Variants in EDAR observed in about 807,000 individuals in gnomAD.
The protein encoded by EDAR is ectodysplasin A receptor.
Under a neutral mutation model 51.3 loss-of-function variants are expected in EDAR, and 38 were observed. That is an observed-to-expected ratio of 0.74 (90% CI 0.57 to 0.97). EDAR has a LOEUF of 0.97. Among genes scored for constraint, EDAR ranks in the 50% least tolerant of loss-of-function variants. The pLI is 0.00. For synonymous variants in EDAR, 227 were observed against 242.1 expected, an observed-to-expected ratio of 0.94 and a Z score of 0.58; for missense variants, 528 against 595.0, an observed-to-expected ratio of 0.89 and a Z score of 1.17.
intron 11 of EDAR, among the ~76,000 whole-genome samples, chr2:108,898,007 C>A (rs1696632165): frequency 6.6e-6 from 1 of 152,092 alleles, no homozygotes; most frequent in Admixed American, 6.5e-5. Flanking sequence ...GTCCAAAAAT[C>A]TGGAAATAAT....
chr2:108,985,493 T>C (rs1215863569), intron 1 of EDAR, among the ~76,000 whole-genome samples: 2 of 152,230 alleles, frequency 1.3e-5, no homozygotes, highest in Admixed American at 6.5e-5. Context: ...CTGTTTTCCA[T>C]AGTCCTCTGT....
At chr2:108,979,651 A>C (rs897877374) in intron 1 of EDAR, among the ~76,000 whole-genome samples, 5 of 152,008 alleles carry the variant, frequency 3.3e-5, no homozygotes, top group African/African-American at 1.2e-4. Flanking sequence ...CTGCCTCCCT[A>C]CCCAGGGTCA....
chr2:108,907,327 C>T (rs1172100466), intron 10 of EDAR, among the ~76,000 whole-genome samples: 6 of 151,994 alleles, frequency 3.9e-5, no homozygotes, highest in South Asian at 4.2e-4. Flanking sequence ...TATTATTTTT[C>T]GTTTTTGTGT....
intron 1 of EDAR, among the ~76,000 whole-genome samples, chr2:108,986,715 T>G (rs1698506967): frequency 6.6e-6 from 1 of 152,228 alleles, no homozygotes; most frequent in South Asian, 2.1e-4. Flanking sequence ...CAGCAGAGGT[T>G]AAATGATTAG....
At chr2:108,946,957 C>T (rs1338311201) in intron 1 of EDAR, among the ~76,000 whole-genome samples, 1 of 152,118 alleles carries the variant, frequency 6.6e-6, no homozygotes, top group African/African-American at 2.4e-5. Context: ...GTCTTACTGA[C>T]TCCAGCATTA....
At chr2:108,909,741 C>T (rs1347387586) in intron 9 of EDAR, among the ~76,000 whole-genome samples, 1 of 152,210 alleles carries the variant, frequency 6.6e-6, no homozygotes, top group Non-Finnish European at 1.5e-5. Flanking sequence ...TTCCCTCTAC[C>T]CTCGATTTTA....
chr2:108,912,718 C>T lies in EDAR; in HGVS notation c.489G>A (p.Ser163=), dbSNP rs538920020. 20 of 1,602,774 alleles carry T rather than the reference C, an allele frequency of 1.2e-5. No individual in the cohort carries two copies. The highest frequency in any genetic ancestry group is 6.8e-5 in the South Asian group (6 of 88,086). ...SGASANFPGT[S]GSSTLSPFQH... is the part of the protein sequence containing the mutation. ...GGAAGGGAGACAGGGTGCTGCTGCC[C>T]GAGGTGCCAGGGAAGTTGGCAGAAG... The change falls in exon 6 of 12, where the codon TCG becomes TCA. Residue 163 remains serine, a synonymous_variant. Coordinates refer to ENST00000258443, the MANE Select transcript of EDAR (RefSeq NM_022336.4).
rs575609945 is a variant in EDAR, at chr2:108,914,264, AAAAAATAAAAT to A, written c.443-1511_443-1501del. 2.3e-4 allele frequency among the ~76,000 whole-genome samples: 35 copies of A among 152,202 alleles called. No individual in the cohort carries two copies. The East Asian group carries it at 3.9e-3, about 17-fold the overall frequency. ...AACAAACGTGAAACTTTGTCTCAAA[AAAAAATAAAAT>A]AAAAATAAAATAAAAATAAAAATCT... On this transcript the variant is annotated intron_variant, in intron 5 of 11. Coordinates refer to ENST00000258443, the MANE Select transcript of EDAR (RefSeq NM_022336.4).
At chr2:108,953,781 C>G (rs1276865566) in intron 1 of EDAR, among the ~76,000 whole-genome samples, 1 of 152,116 alleles carries the variant, frequency 6.6e-6, no homozygotes, top group African/African-American at 2.4e-5. Flanking sequence ...GTGGAGAGGC[C>G]AGTTAGGCAG....
chr2:108,977,010 G>C (rs1377450010), intron 1 of EDAR, among the ~76,000 whole-genome samples: 3 of 152,138 alleles, frequency 2.0e-5, no homozygotes. Flanking sequence ...AGGTGTCTGA[G>C]GGTGCCCCAA....
At chr2:108,949,730 A>AAC (rs1697787392) in intron 1 of EDAR, among the ~76,000 whole-genome samples, 1 of 152,208 alleles carries the variant, frequency 6.6e-6, no homozygotes, top group Non-Finnish European at 1.5e-5. Flanking sequence ...TGCCATATGG[A>AAC]ACATGCATGT....
intron 1 of EDAR, among the ~76,000 whole-genome samples, chr2:108,945,807 TGAAAG>T (rs1483406340): frequency 6.6e-6 from 1 of 152,138 alleles, no homozygotes; most frequent in Non-Finnish European, 1.5e-5. Context: ...AAGCCAGTCA[TGAAAG>T]GACAAATATC....
chr2:108,926,264 T>C (rs1024175242), intron 4 of EDAR, among the ~76,000 whole-genome samples: 1 of 152,134 alleles, frequency 6.6e-6, no homozygotes, highest in Non-Finnish European at 1.5e-5. Flanking sequence ...AAGGTCTAAT[T>C]TGCTACTTTT....
intron 1 of EDAR, among the ~76,000 whole-genome samples, chr2:108,960,447 G>C (rs1392231096): frequency 6.6e-6 from 1 of 152,220 alleles, no homozygotes; most frequent in East Asian, 1.9e-4. Flanking sequence ...GAATTTCTCA[G>C]ATCAGGCAAA....
intron 1 of EDAR, among the ~76,000 whole-genome samples, chr2:108,979,467 T>TCTCTCTCACA (rs1159379988): frequency 4.8e-5 from 7 of 147,112 alleles, no homozygotes; most frequent in Admixed American, 2.7e-4. Flanking sequence ...TCTCTCTCTC[T>TCTCTCTCACA]CACACACACA....
At chr2:108,979,839 C>T (rs543340216) in intron 1 of EDAR, among the ~76,000 whole-genome samples, 1 of 152,236 alleles carries the variant, frequency 6.6e-6, no homozygotes, top group South Asian at 2.1e-4. Flanking sequence ...TCCTGCTAGG[C>T]CCTGACAGCC....
chr2:108,939,344 A>T (rs572435488), intron 1 of EDAR, among the ~76,000 whole-genome samples: 2 of 151,946 alleles, frequency 1.3e-5, no homozygotes, highest in African/African-American at 4.8e-5. Flanking sequence ...GCGCCACCAC[A>T]CTTGGCTAAT....
At chr2:108,911,983 C>A (rs1379538656) in intron 6 of EDAR, among the ~76,000 whole-genome samples, 2 of 152,230 alleles carry the variant, frequency 1.3e-5, no homozygotes, top group Non-Finnish European at 2.9e-5. Context: ...GCTACTCCCC[C>A]CGGGGCCTGT....
chr2:108,920,923 G>T (rs1697124327), intron 5 of EDAR, among the ~76,000 whole-genome samples: 1 of 152,132 alleles, frequency 6.6e-6, no homozygotes, highest in South Asian at 2.1e-4. Context: ...GCTCTGGGAG[G>T]TGAGATAACT....
Sources: gnomAD v4.1 joint callset for allele counts (sites outside exome capture counted in the v4.1 genomes callset) on GRCh38, gnomAD v4.1.1 for gene constraint, MANE v1.5 for transcripts, NCBI Gene and HGNC (gene_info 2026-07-23, HGNC 2026-07-21) for gene names.